Variants in LRP6 observed in about 807,000 individuals in gnomAD.
LRP6 encodes the protein LDL receptor related protein 6.
In LRP6, 43 loss-of-function variants were observed where a neutral mutation model predicts 184.1. The observed-to-expected ratio is 0.23, with a 90% CI of 0.18 to 0.30. LRP6 has a LOEUF of 0.30. Ranked by LOEUF, LRP6 falls within the 10% of genes least tolerant of loss-of-function variation. The pLI is 1.00. For missense variants in LRP6, 1,571 were observed against 2,005.3 expected (o/e 0.78, Z 4.14); for synonymous variants, 719 against 684.9 (o/e 1.05, Z -0.78).
rs141950324 is a variant in LRP6, at chr12:12,171,252, C to T, written c.1546-5957G>A. Among the ~76,000 whole-genome samples, 1,236 of 152,282 alleles carry T rather than the reference C, an allele frequency of 8.1e-3. 14 individuals are homozygous for T. The highest frequency in any genetic ancestry group is 0.029 in the African/African-American group (1,188 of 41,524). On this transcript the variant is annotated intron_variant, in intron 7 of 22. Coordinates refer to ENST00000261349, the MANE Select transcript of LRP6 (RefSeq NM_002336.3). ...CTATTATTGGCCGAGCGCGGTGGCT[C>T]ACGCCTGTAATCCCAGCACTTTGGG... is the stretch of plus-strand genomic sequence containing the variant.
rs1382872795 is a variant in LRP6 at position 12,125,224 on chromosome 12, A to G, written c.4449+72T>C. ...TACTTTTACATTACTATCACTGATCACCCACATTTAAATGAGTTAAAAAAT... is the reference window on the plus strand; with the variant it reads ...TACTTTTACATTACTATCACTGATCGCCCACATTTAAATGAGTTAAAAAAT... On this transcript the variant is annotated intron_variant, in intron 21 of 22. Coordinates refer to ENST00000261349, the MANE Select transcript of LRP6 (RefSeq NM_002336.3). 1.3e-5 allele frequency: 21 copies of G among 1,559,644 alleles called. No homozygotes were observed. The Admixed American group carries it at 3.3e-4, about 25-fold the overall frequency.
chr12:12,219,010 G>A (rs1474594285), intron 2 of LRP6, among the ~76,000 whole-genome samples: 1 of 152,000 alleles, frequency 6.6e-6, no homozygotes, highest in East Asian at 1.9e-4. Flanking sequence ...AGGCCGAGGC[G>A]GGTGATCACC....
chr12:12,243,541 CAAAA>C (rs1211120840), intron 2 of LRP6, among the ~76,000 whole-genome samples: 1 of 152,010 alleles, frequency 6.6e-6, no homozygotes, highest in Non-Finnish European at 1.5e-5. Flanking sequence ...TCTGATATCA[CAAAA>C]AATAAATACA....
At chr12:12,222,243 A>G (rs543930903) in intron 2 of LRP6, among the ~76,000 whole-genome samples, 1 of 152,282 alleles carries the variant, frequency 6.6e-6, no homozygotes, top group South Asian at 2.1e-4. Context: ...CCAATTTTAT[A>G]TATTTATAGC....
chr12:12,241,257 T>C (rs1173526546), intron 2 of LRP6, among the ~76,000 whole-genome samples: 1 of 152,312 alleles, frequency 6.6e-6, no homozygotes, highest in East Asian at 1.9e-4. Context: ...TCCTCAGCAC[T>C]GTTTTCATGT....
rs1761041514 is a variant in LRP6, at chr12:12,117,553, AT to A, written c.*3572del. 6.6e-6 allele frequency: 1 copy of A among 152,262 alleles called. No individual in the cohort carries two copies. Among genetic ancestry groups the A allele is most frequent in the Admixed American group, 6.5e-5 (1 of 15,292 alleles). The allele number at this position is 152,262 out of a possible 1,614,324, so 9.4% of individuals were successfully genotyped here. A position where few individuals can be genotyped will look rare whatever the true frequency, so the allele number is the denominator to read the frequency against. ...CCTACAAGAAATAAAACAATTCAAA[AT>A]ATGACATTTCTAAGAATCTAATCTA... is the stretch of plus-strand genomic sequence containing the variant. On this transcript the variant is annotated 3_prime_UTR_variant, in exon 23 of 23. Coordinates refer to ENST00000261349, the MANE Select transcript of LRP6 (RefSeq NM_002336.3).
chr12:12,264,637 T>A (rs140429642), intron 1 of LRP6, among the ~76,000 whole-genome samples: 9 of 152,274 alleles, frequency 5.9e-5, no homozygotes, highest in Admixed American at 2.6e-4. Flanking sequence ...TCAATCAGAT[T>A]TTTCTCCTTG....
At chr12:12,192,383 T>A (rs542421448) in intron 3 of LRP6, among the ~76,000 whole-genome samples, 2,412 of 138,382 alleles carry the variant, frequency 0.017, 56 homozygotes, top group African/African-American at 0.058. Context: ...TAAGATAATT[T>A]AAAAAAAAAA....
intron 19 of LRP6, among the ~76,000 whole-genome samples, chr12:12,130,464 G>A (rs541940385): frequency 1.3e-5 from 2 of 152,322 alleles, no homozygotes; most frequent in South Asian, 4.1e-4. Flanking sequence ...GGGATTACAG[G>A]TGTGAGCCAC....
chr12:12,161,103 A>G (rs962744214), intron 10 of LRP6, among the ~76,000 whole-genome samples: 2 of 152,232 alleles, frequency 1.3e-5, no homozygotes, highest in African/African-American at 2.4e-5. Context: ...ATTAGTCCCA[A>G]CTATTAAATT....
At position 12,120,279 on chromosome 12, in the gene LRP6, A is replaced by C. The variant is rs537083769; in HGVS notation, c.*847T>G. The C allele has an allele frequency of 1.3e-5, 2 of 152,170 alleles. No homozygotes were observed. Among genetic ancestry groups the C allele is most frequent in the Admixed American group, 1.3e-4 (2 of 15,266 alleles). 9.4% of individuals were successfully genotyped at this position (152,170 alleles called of 1,614,324 possible). A position where few individuals can be genotyped will look rare whatever the true frequency, so the allele number is the denominator to read the frequency against. ...AAGCCTACTGGGGAATGGAGCTAGA[A>C]GAAATATTAAAATCAAGTTTAATTT... On this transcript the variant is annotated 3_prime_UTR_variant, in exon 23 of 23. Coordinates refer to ENST00000261349, the MANE Select transcript of LRP6 (RefSeq NM_002336.3).
At chr12:12,140,586 G>A (rs186431232) in intron 15 of LRP6, among the ~76,000 whole-genome samples, 222 of 150,104 alleles carry the variant, frequency 1.5e-3, no homozygotes, top group Middle Eastern at 6.9e-3. Context: ...GGGAAAGCAC[G>A]AGCATAGATT....
At chr12:12,239,423 TACAA>T (rs1865004610) in intron 2 of LRP6, among the ~76,000 whole-genome samples, 1 of 152,162 alleles carries the variant, frequency 6.6e-6, no homozygotes, top group Non-Finnish European at 1.5e-5. Context: ...ATGGAAACAG[TACAA>T]AACTCAATAA....
intron 15 of LRP6, among the ~76,000 whole-genome samples, chr12:12,142,827 A>C (rs575500700): frequency 6.6e-6 from 1 of 152,316 alleles, no homozygotes; most frequent in South Asian, 2.1e-4. Context: ...AATTTGACAA[A>C]GGTTATCTAC....
chr12:12,264,910 C>A (rs1012234428), intron 1 of LRP6, among the ~76,000 whole-genome samples: 36 of 152,314 alleles, frequency 2.4e-4, no homozygotes, highest in Non-Finnish European at 5.1e-4. Context: ...TCTTCCAGGT[C>A]TTGTTACATA....
chr12:12,244,951 T>C (rs192221367), intron 1 of LRP6, among the ~76,000 whole-genome samples: 12 of 152,330 alleles, frequency 7.9e-5, no homozygotes, highest in Admixed American at 2.6e-4. Context: ...AATATGGAGC[T>C]ACTGGAACAC....
chr12:12,244,247 T>G lies in LRP6; in HGVS notation c.449+15A>C, dbSNP rs1252350320. The stretch of plus-strand genomic sequence containing the variant: ...AGGAGGTATGATGATCTTCGTACAC[T>G]GTACAAAAACTTACCCACTTGAAGG... On this transcript the variant is annotated intron_variant, in intron 2 of 22. Transcript: ENST00000261349. The G allele has an allele frequency of 2.5e-6, 4 of 1,613,968 alleles. No individual in the cohort carries two copies. In the African/African-American group the frequency reaches 5.3e-5, roughly 22 times the overall value.
intron 14 of LRP6, among the ~76,000 whole-genome samples, chr12:12,148,266 A>C (rs992953113): frequency 1.3e-5 from 2 of 151,986 alleles, no homozygotes; most frequent in Non-Finnish European, 2.9e-5. Flanking sequence ...CAGTGACTAG[A>C]GAGACCTTAA....
intron 4 of LRP6, among the ~76,000 whole-genome samples, chr12:12,185,344 A>T (rs1229853715): frequency 1.3e-5 from 2 of 152,208 alleles, no homozygotes; most frequent in Non-Finnish European, 2.9e-5. Context: ...GAATAAAAAA[A>T]TTCATACAAG....
Sources: gnomAD v4.1 joint callset for allele counts (sites outside exome capture counted in the v4.1 genomes callset) on GRCh38, gnomAD v4.1.1 for gene constraint, MANE v1.5 for transcripts, NCBI Gene and HGNC (gene_info 2026-07-23, HGNC 2026-07-21) for gene names.